SYN3: variants seen among roughly 807,000 people sequenced by gnomAD.
SYN3 encodes the protein synapsin III, also known as synapsin-3.
A neutral mutation model predicts 65.8 loss-of-function variants in SYN3; 35 were observed. The observed-to-expected ratio is 0.53, with a 90% CI of 0.41 to 0.70. The LOEUF (loss-of-function observed/expected upper bound fraction) is 0.70, where lower values mean the gene tolerates loss of function less well. SYN3 is among the 30% of genes least tolerant of loss of function. SYN3 has a pLI of 0.00. For synonymous variants in SYN3, 270 were observed against 292.9 expected, an observed-to-expected ratio of 0.92 and a Z score of 0.80; for missense variants, 680 against 749.0, an observed-to-expected ratio of 0.91 and a Z score of 1.08.
intron 4 of SYN3, among the ~76,000 whole-genome samples, chr22:32,893,524 T>C (rs58381381): frequency 0.056 from 8,490 of 152,030 alleles, 263 homozygotes; most frequent in Middle Eastern, 0.099. Context: ...ATCAGTAGAG[T>C]TTGGCAGTAA....
chr22:32,584,259 T>A (rs1601693027), intron 7 of SYN3: 1 of 152,232 alleles, frequency 6.6e-6, no homozygotes, highest in African/African-American at 2.4e-5. Flanking sequence ...AAACCTATTA[T>A]GATGACATCA....
intron 6 of SYN3, among the ~76,000 whole-genome samples, chr22:32,851,010 T>A (rs1271763558): frequency 6.6e-6 from 1 of 152,194 alleles, no homozygotes; most frequent in Non-Finnish European, 1.5e-5. Context: ...TCTGGTTATG[T>A]AATGTCCAGA....
intron 6 of SYN3, among the ~76,000 whole-genome samples, chr22:32,629,053 T>C (rs1404267446): frequency 2.0e-5 from 3 of 152,118 alleles, no homozygotes; most frequent in African/African-American, 7.2e-5. Flanking sequence ...GTTTATGAGC[T>C]CGGAGCCTGA....
chr22:32,841,937 G>A (rs2047918193), intron 6 of SYN3, among the ~76,000 whole-genome samples: 2 of 152,170 alleles, frequency 1.3e-5, no homozygotes, highest in African/African-American at 4.8e-5. Flanking sequence ...ATGGTGCTGA[G>A]ACCCACAAGC....
chr22:33,053,071 A>G (rs1393493106), intron 1 of SYN3, among the ~76,000 whole-genome samples: 3 of 152,136 alleles, frequency 2.0e-5, no homozygotes, highest in African/African-American at 7.2e-5. Flanking sequence ...ACATCATCTC[A>G]TTTATTTCCT....
chr22:32,971,292 C>CT (rs976019722), intron 3 of SYN3, among the ~76,000 whole-genome samples: 10 of 152,222 alleles, frequency 6.6e-5, no homozygotes, highest in South Asian at 2.1e-4. Flanking sequence ...ATTCCACCTG[C>CT]TTTTTTTATC....
At chr22:32,602,525 G>A (rs1181169219) in intron 6 of SYN3, among the ~76,000 whole-genome samples, 1 of 152,084 alleles carries the variant, frequency 6.6e-6, no homozygotes, top group Non-Finnish European at 1.5e-5. Flanking sequence ...GTAGTGACAC[G>A]ATCTCAGCTC....
chr22:32,842,387 C>T (rs935572088), intron 6 of SYN3, among the ~76,000 whole-genome samples: 1 of 152,138 alleles, frequency 6.6e-6, no homozygotes, highest in South Asian at 2.1e-4. Context: ...GCCCTTTCCT[C>T]TCACCTAGAC....
chr22:32,974,745 G>A (rs1248713722), intron 3 of SYN3, among the ~76,000 whole-genome samples: 2 of 152,112 alleles, frequency 1.3e-5, no homozygotes, highest in Non-Finnish European at 2.9e-5. Context: ...GTGACATCAG[G>A]TTTTAGGGGA....
At chr22:32,731,510 G>A (rs2061269931) in intron 6 of SYN3, among the ~76,000 whole-genome samples, 1 of 152,156 alleles carries the variant, frequency 6.6e-6, no homozygotes, top group South Asian at 2.1e-4. Context: ...AAAAGCCTAC[G>A]ATCAGGCTTT....
chr22:32,749,811 A>C (rs2045057401), intron 6 of SYN3, among the ~76,000 whole-genome samples: 1 of 152,172 alleles, frequency 6.6e-6, no homozygotes, highest in African/African-American at 2.4e-5. Flanking sequence ...TAGAGACTGA[A>C]CTGTGGTTGG....
In SYN3 at chr22:33,042,557, A is replaced by G. The variant is rs1028382525; in HGVS notation, c.-163+15735T>C. On this transcript the variant is annotated intron_variant, in intron 1 of 13. Coordinates refer to ENST00000358763, the MANE Select transcript of SYN3 (RefSeq NM_003490.4). Reference sequence around the variant, plus strand: ...AGATTTTGAAGAGCTCTAAAAACATAGTAATCCAGGGCCCTTTCTCGTAAC... The same window carrying G: ...AGATTTTGAAGAGCTCTAAAAACATGGTAATCCAGGGCCCTTTCTCGTAAC... Among the ~76,000 whole-genome samples, 4 of 152,224 alleles carry G rather than the reference A, an allele frequency of 2.6e-5. No individual in the cohort carries two copies. The South Asian group carries it at 8.3e-4, about 32-fold the overall frequency.
intron 3 of SYN3, among the ~76,000 whole-genome samples, chr22:32,973,946 G>A (rs1254294502): frequency 3.3e-5 from 5 of 151,846 alleles, no homozygotes; most frequent in Admixed American, 2.6e-4. Context: ...GCATCACCAC[G>A]CCTGGCTGAT....
intron 6 of SYN3, among the ~76,000 whole-genome samples, chr22:32,617,868 G>T (rs1022095171): frequency 2.0e-5 from 3 of 152,026 alleles, no homozygotes; most frequent in Admixed American, 6.6e-5. Flanking sequence ...TGCGAGTCTA[G>T]GTGGGCGACC....
At chr22:32,687,719 C>T (rs1335001790) in intron 6 of SYN3, among the ~76,000 whole-genome samples, 3 of 141,110 alleles carry the variant, frequency 2.1e-5, no homozygotes, top group Admixed American at 7.5e-5. Context: ...AGTCCTCGAA[C>T]CTGCTGTTTT....
chr22:32,553,440 C>T (rs190313188), intron 7 of SYN3, among the ~76,000 whole-genome samples: 10 of 152,222 alleles, frequency 6.6e-5, no homozygotes, highest in African/African-American at 2.4e-4. Flanking sequence ...CTCAAGCCTC[C>T]TGGTGATAAG....
At chr22:32,872,887 T>C (rs987175586) in intron 4 of SYN3, among the ~76,000 whole-genome samples, 4 of 151,774 alleles carry the variant, frequency 2.6e-5, no homozygotes, top group Non-Finnish European at 5.9e-5. Context: ...ATTCCTGCTT[T>C]TAAGAAACTC....
intron 6 of SYN3, among the ~76,000 whole-genome samples, chr22:32,738,926 C>T (rs993842332): frequency 3.3e-5 from 5 of 152,188 alleles, no homozygotes; most frequent in African/African-American, 1.2e-4. Flanking sequence ...GCCCACTCAC[C>T]TGCAGATATA....
chr22:32,727,232 T>C (rs557486090), intron 6 of SYN3, among the ~76,000 whole-genome samples: 2 of 152,272 alleles, frequency 1.3e-5, no homozygotes, highest in African/African-American at 2.4e-5. Context: ...CGTGAGAACA[T>C]GCGTTATTTG....
Sources: gnomAD v4.1 joint callset for allele counts (sites outside exome capture counted in the v4.1 genomes callset) on GRCh38, gnomAD v4.1.1 for gene constraint, MANE v1.5 for transcripts, NCBI Gene and HGNC (gene_info 2026-07-23, HGNC 2026-07-21) for gene names.